Variants in ADAM22 observed in about 807,000 individuals in gnomAD.
The protein encoded by ADAM22 is ADAM metallopeptidase domain 22.
In ADAM22, 65 loss-of-function variants were observed where a neutral mutation model predicts 144.6. The observed-to-expected ratio is 0.45, with a 90% CI of 0.37 to 0.55. ADAM22 has a LOEUF of 0.55. ADAM22 is among the 20% of genes least tolerant of loss of function. The probability of loss-of-function intolerance (pLI) is 0.00; values close to 1 mark genes in which losing one functional copy is unlikely to be tolerated. For synonymous variants in ADAM22, 391 were observed against 412.6 expected (o/e 0.95, Z 0.63); for missense variants, 974 against 1,184.9 (o/e 0.82, Z 2.61).
intron 17 of ADAM22, among the ~76,000 whole-genome samples, chr7:88,147,440 A>G (rs377655002): frequency 6.6e-6 from 1 of 152,256 alleles, no homozygotes; most frequent in Non-Finnish European, 1.5e-5. Context: ...AGGCTTTGTG[A>G]TCATAAAGTT....
intron 3 of ADAM22, among the ~76,000 whole-genome samples, chr7:87,995,461 A>G (rs1562979694): frequency 6.6e-6 from 1 of 152,198 alleles, no homozygotes; most frequent in Non-Finnish European, 1.5e-5. Context: ...GCTACACATT[A>G]TAATAACCTG....
In ADAM22 at chr7:88,145,126, T is replaced by C. The variant is rs893171135; in HGVS notation, c.1322T>C (p.Leu441Pro). 1.2e-6 allele frequency: 2 copies of C among 1,613,058 alleles called. No individual in the cohort carries two copies. The highest frequency in any genetic ancestry group is 2.7e-5 in the African/African-American group (2 of 74,840). Residue 441 changes from leucine (L) to proline (P), a missense_variant and splice_region_variant, in exon 16 of 32, where the codon CTT becomes CCT. Physicochemically the swap from Leu to Pro is moderately conservative, Grantham distance 98. Around this residue, in one of 2 missense-constraint regions of ADAM22, gnomAD observed 734 missense variants for 950.6 expected, o/e 0.77. Coordinates refer to ENST00000413139, the MANE Select transcript of ADAM22 (RefSeq NM_001324418.2). ...TTCACTTTTTGGTTTTCCTCACAGC[T>C]TCTTGATCCTCCTGAGTGTGGCAAT... Reference protein sequence around the residue: ...GACLFNKPSKLLDPPECGNGF... With the variant: ...GACLFNKPSKPLDPPECGNGF...
At chr7:88,074,784 G>GCTTA (rs1209759481) in intron 3 of ADAM22, among the ~76,000 whole-genome samples, 1 of 152,152 alleles carries the variant, frequency 6.6e-6, no homozygotes, top group East Asian at 1.9e-4. Flanking sequence ...TAGGCATGGT[G>GCTTA]CTTATCATGA....
In ADAM22 at chr7:87,941,232, A is replaced by G. The variant is rs375778638; in HGVS notation, c.246+6046A>G. 2.0e-5 allele frequency among the ~76,000 whole-genome samples: 3 copies of G among 152,232 alleles called. No homozygotes were observed. In the East Asian group the frequency reaches 5.8e-4, roughly 29 times the overall value. On this transcript the variant is annotated intron_variant, in intron 2 of 31. Transcript: ENST00000413139. ...CCAAGTACTAAAGTGCCAAGGACAT[A>G]GATCTACAGTTTGTCATAGTTTTGA...
intron 4 of ADAM22, among the ~76,000 whole-genome samples, chr7:88,076,992 T>G (rs1275369430): frequency 6.6e-6 from 1 of 152,212 alleles, no homozygotes; most frequent in Non-Finnish European, 1.5e-5. Context: ...CACTGAGAGA[T>G]AAATGTTTTC....
At chr7:88,151,543 A>G (rs879722716) in intron 20 of ADAM22, among the ~76,000 whole-genome samples, 5 of 152,190 alleles carry the variant, frequency 3.3e-5, no homozygotes, top group African/African-American at 4.8e-5. Context: ...TGGACGAGAC[A>G]GAAAGTGCCT....
rs145535157 is a variant in ADAM22 at position 88,117,775 on chromosome 7, C to T, written c.607+961C>T. Among the ~76,000 whole-genome samples the T allele has an allele frequency of 2.6e-3, 391 of 151,504 alleles. 1 individual carries two copies. The highest frequency in any genetic ancestry group is 9.3e-3 in the African/African-American group (385 of 41,216). ...GTGACGCGACCTCAGCTCACTGCAA[C>T]CTCCGCCTCCTGGGTTCAGGCAATT... On this transcript the variant is annotated intron_variant, in intron 7 of 31. Transcript: ENST00000413139.
At chr7:88,081,566 T>C (rs1401609825) in intron 4 of ADAM22, among the ~76,000 whole-genome samples, 2 of 151,470 alleles carry the variant, frequency 1.3e-5, no homozygotes, top group East Asian at 3.9e-4. Flanking sequence ...TGTTTGCAGA[T>C]GACATGATTG....
At chr7:88,084,369 A>C (rs1169009884) in intron 4 of ADAM22, among the ~76,000 whole-genome samples, 3 of 152,172 alleles carry the variant, frequency 2.0e-5, no homozygotes, top group Non-Finnish European at 4.4e-5. Context: ...TGATAAATAC[A>C]AACTTTGTCC....
chr7:88,031,934 G>A (rs1284297354), intron 3 of ADAM22, among the ~76,000 whole-genome samples: 9 of 152,228 alleles, frequency 5.9e-5, no homozygotes, highest in African/African-American at 2.2e-4. Flanking sequence ...GATGGTGTTA[G>A]GCCTGTGGGT....
intron 3 of ADAM22, among the ~76,000 whole-genome samples, chr7:88,003,300 T>C (rs1793015389): frequency 6.6e-6 from 1 of 152,226 alleles, no homozygotes; most frequent in Admixed American, 6.5e-5. Context: ...TTAAACCTCA[T>C]GATAATTCTA....
rs1033342703 is a variant in ADAM22, at chr7:88,085,968, A to G, written c.390+10276A>G. 2.8e-4 allele frequency among the ~76,000 whole-genome samples: 43 copies of G among 152,190 alleles called. 1 individual carries two copies. The highest frequency in any genetic ancestry group is 2.9e-5 in the Non-Finnish European group (2 of 68,032). On this transcript the variant is annotated intron_variant, in intron 4 of 31. Coordinates refer to ENST00000413139, the MANE Select transcript of ADAM22 (RefSeq NM_001324418.2). Reference sequence around the variant, plus strand: ...GAAGCAGGGGGATCACGACGTCAGGAGATCGAGACCATCATGGCTAACACG... The same window carrying G: ...GAAGCAGGGGGATCACGACGTCAGGGGATCGAGACCATCATGGCTAACACG...
intron 2 of ADAM22, among the ~76,000 whole-genome samples, chr7:87,975,990 A>G (rs1013050729): frequency 6.6e-6 from 1 of 152,090 alleles, no homozygotes; most frequent in Non-Finnish European, 1.5e-5. Context: ...ATTAAAAGCA[A>G]CTCTGATGGA....
chr7:87,953,577 TGGAATA>T, intron 2 of ADAM22, among the ~76,000 whole-genome samples: 1 of 152,310 alleles, frequency 6.6e-6, no homozygotes, highest in African/African-American at 2.4e-5. Context: ...TGGTCAATTT[TGGAATA>T]GGTGTGGTGT....
intron 3 of ADAM22, among the ~76,000 whole-genome samples, chr7:87,986,566 A>G (rs989446940): frequency 1.3e-5 from 2 of 152,224 alleles, no homozygotes; most frequent in Non-Finnish European, 2.9e-5. Context: ...CAAAAGGCCA[A>G]ACTCATGGGT....
intron 2 of ADAM22, among the ~76,000 whole-genome samples, chr7:87,941,848 C>CT (rs1318664254): frequency 2.0e-5 from 3 of 152,140 alleles, no homozygotes; most frequent in African/African-American, 7.2e-5. Flanking sequence ...ATGAATGACT[C>CT]TAAGAGCTTA....
intron 8 of ADAM22, among the ~76,000 whole-genome samples, chr7:88,126,907 C>T (rs1830560162): frequency 6.6e-6 from 1 of 151,882 alleles, no homozygotes; most frequent in Admixed American, 6.6e-5. Flanking sequence ...TTTCCCAAAG[C>T]CACATAGGGT....
intron 30 of ADAM22, among the ~76,000 whole-genome samples, chr7:88,187,523 G>A (rs1027101189): frequency 7.9e-5 from 12 of 152,138 alleles, no homozygotes; most frequent in South Asian, 2.1e-4. Flanking sequence ...CCAAGAGTTC[G>A]TAATGGCATT....
chr7:87,973,151 A>G (rs1469077942), intron 2 of ADAM22, among the ~76,000 whole-genome samples: 5 of 152,170 alleles, frequency 3.3e-5, no homozygotes, highest in Admixed American at 1.3e-4. Context: ...AGAGTGAACA[A>G]GAAACCTACA....
Sources: allele counts gnomAD v4.1 joint callset (sites outside exome capture counted in the v4.1 genomes callset), GRCh38; gene constraint gnomAD v4.1.1; regional missense constraint gnomAD v4.1.1; transcripts MANE v1.5; gene names NCBI Gene and HGNC (gene_info 2026-07-23, HGNC 2026-07-21).